The following LYRM7 variants were observed in gnomAD, a reference collection of about 807,000 sequenced individuals.
LYRM7 encodes the protein LYR motif containing 7, also known as complex III assembly factor LYRM7.
A neutral mutation model predicts 15.8 loss-of-function variants in LYRM7; 9 were observed. The ratio of observed to expected loss-of-function variants is 0.57; its 90% CI spans 0.34 to 0.99. The LOEUF (loss-of-function observed/expected upper bound fraction) is 0.99. Ranked by LOEUF, LYRM7 falls within the 50% of genes least tolerant of loss-of-function variation. LYRM7 has a pLI of 0.02. For synonymous variants in LYRM7, 39 were observed against 39.4 expected, an observed-to-expected ratio of 0.99 and a Z score of 0.04; for missense variants, 115 against 119.1, an observed-to-expected ratio of 0.97 and a Z score of 0.16.
chr5:131,171,305 C>T (rs537498664), intron 1 of LYRM7, among the ~76,000 whole-genome samples: 20 of 152,230 alleles, frequency 1.3e-4, no homozygotes, highest in Middle Eastern at 3.4e-3. Context: ...AAATCTGCGA[C>T]TTGAGTTCTG....
chr5:131,179,777 A>G lies in LYRM7; in HGVS notation c.19-318A>G, dbSNP rs557782681. ...ATGGTGAAACCTTGTCTCTACTAAA[A>G]ATACAAAAATTAGCCAGGCTTGGTG... On this transcript the variant is annotated intron_variant, in intron 1 of 4. Coordinates refer to ENST00000379380, the MANE Select transcript of LYRM7 (RefSeq NM_181705.4). Among the ~76,000 whole-genome samples the G allele has an allele frequency of 7.3e-4, 111 of 152,144 alleles. 1 individual carries two copies. In the South Asian group the frequency reaches 0.023, roughly 31 times the overall value.
intron 1 of LYRM7, among the ~76,000 whole-genome samples, chr5:131,172,823 G>A (rs544407150): frequency 1.1e-4 from 17 of 152,200 alleles, no homozygotes; most frequent in Middle Eastern, 3.2e-3. Flanking sequence ...GACAATCTCA[G>A]ATTCAAACTC....
chr5:131,179,888 A>T (rs966777003), intron 1 of LYRM7, among the ~76,000 whole-genome samples: 2 of 152,084 alleles, frequency 1.3e-5, no homozygotes, highest in East Asian at 1.9e-4. Context: ...GTGAGCCAAG[A>T]TCACACCACT....
At chr5:131,199,499 G>A in intron 4 of LYRM7, 32 bp from the exon 5 acceptor site, 2 of 1,448,174 alleles carry the variant, frequency 1.4e-6, no homozygotes, top group Admixed American at 2.1e-5. Flanking sequence ...TTTTAGTGAT[G>A]TTAATTATTC....
rs537387814 is a variant in LYRM7 at position 131,181,676 on chromosome 5, A to C, written c.92-553A>C. Among the ~76,000 whole-genome samples the C allele has an allele frequency of 3.3e-5, 5 of 151,836 alleles. No homozygotes were observed. The South Asian group carries it at 1.0e-3, about 31-fold the overall frequency. Reference sequence around the variant, plus strand: ...ACAGCAGCACAATAAGACCAGTGAGATTCTACCAAAGTATGCTGCTATAAT... The same window carrying C: ...ACAGCAGCACAATAAGACCAGTGAGCTTCTACCAAAGTATGCTGCTATAAT... On this transcript the variant is annotated intron_variant, in intron 2 of 4. Coordinates refer to ENST00000379380, the MANE Select transcript of LYRM7 (RefSeq NM_181705.4).
At chr5:131,180,298 A>G in intron 2 of LYRM7, 131 bp downstream of exon 2, 1 of 554,180 alleles carries the variant, frequency 1.8e-6, no homozygotes. Context: ...TATCTTTTAT[A>G]AAGATTAGCT....
rs1755667467 is a variant in LYRM7 at position 131,180,124 on chromosome 5, G to A, written c.48G>A (p.Arg16=). Residue 16 remains arginine, a synonymous_variant, in exon 2 of 5, where the codon AGG becomes AGA. Coordinates refer to ENST00000379380, the MANE Select transcript of LYRM7 (RefSeq NM_181705.4). ...TACAGCTCTTTAAAACACTGCACAG[G>A]ACCAGACAACAAGTTTTTAAAAATG... is the stretch of plus-strand genomic sequence containing the variant. The part of the protein sequence containing the change: ...KVLQLFKTLH[R]TRQQVFKNDA... 6.2e-7 allele frequency: 1 copy of A among 1,612,926 alleles called. No homozygotes were observed. The highest frequency in any genetic ancestry group is 1.1e-5 in the South Asian group (1 of 91,000).
chr5:131,178,736 C>T (rs1398219377), intron 1 of LYRM7, among the ~76,000 whole-genome samples: 1 of 152,004 alleles, frequency 6.6e-6, no homozygotes, highest in East Asian at 1.9e-4. Context: ...GCCAAGTCAG[C>T]GGACCACGAG....
chr5:131,173,520 C>T (rs1431140462), intron 1 of LYRM7, among the ~76,000 whole-genome samples: 3 of 152,148 alleles, frequency 2.0e-5, no homozygotes, highest in African/African-American at 4.8e-5. Flanking sequence ...CCCAGGTGGG[C>T]GGATCACAAG....
At chr5:131,193,449 G>A (rs1755915986) in intron 4 of LYRM7, among the ~76,000 whole-genome samples, 1 of 152,210 alleles carries the variant, frequency 6.6e-6, no homozygotes, top group African/African-American at 2.4e-5. Context: ...TTAGGGACAG[G>A]TTCTGGGAAG....
chr5:131,171,036 A>G lies in LYRM7; in HGVS notation c.16A>G (p.Lys6Glu). 2 of 1,532,524 alleles carry G rather than the reference A, an allele frequency of 1.3e-6. No individual in the cohort carries two copies. The highest frequency in any genetic ancestry group is 1.7e-6 in the Non-Finnish European group (2 of 1,149,638). The allele number at this position is 1,532,524 out of a possible 1,614,324, so 94.9% of individuals were successfully genotyped here. A position where few individuals can be genotyped will look rare whatever the true frequency, so the allele number is the denominator to read the frequency against. The change falls in exon 1 of 5, where the codon AAG (lysine) becomes GAG (glutamate). Residue 6 changes from lysine to glutamate, a missense_variant and splice_region_variant. Transcript: ENST00000379380. MGRAV[K>E]VLQLFKTLHR... ...GAGGAGAGCCATGGGACGGGCAGTC[A>G]AGGTGACAGGGCCCGGGAAGGGGTG... is the stretch of plus-strand genomic sequence containing the variant.
chr5:131,194,480 C>A (rs190382991), intron 4 of LYRM7, among the ~76,000 whole-genome samples: 1 of 152,286 alleles, frequency 6.6e-6, no homozygotes, highest in East Asian at 1.9e-4. Flanking sequence ...AAGACAGAAC[C>A]TAGAGAATTT....
At position 131,191,101 on chromosome 5, in the gene LYRM7, C is replaced by T. The variant is rs1390764508; in HGVS notation, c.244+3992C>T. Reference sequence around the variant, plus strand: ...TTTCCCACAGAATTAAATATTTTGACTCTTTTATGAGTATTAATACATATT... The same window carrying T: ...TTTCCCACAGAATTAAATATTTTGATTCTTTTATGAGTATTAATACATATT... On this transcript the variant is annotated intron_variant, in intron 4 of 4. Transcript: ENST00000379380. Among the ~76,000 whole-genome samples, 9 of 151,398 alleles carry T rather than the reference C, an allele frequency of 5.9e-5. No individual in the cohort carries two copies. The East Asian group carries it at 1.5e-3, about 26-fold the overall frequency.
At position 131,202,579 on chromosome 5, in the gene LYRM7, A is replaced by G. The variant is rs1032703615; in HGVS notation, c.*2978A>G. The G allele has an allele frequency of 1.3e-5, 2 of 153,056 alleles. No individual in the cohort carries two copies. Among genetic ancestry groups the G allele is most frequent in the East Asian group, 3.9e-4 (2 of 5,190 alleles). The allele number at this position is 153,056 out of a possible 1,614,324, so 9.5% of individuals were successfully genotyped here. A position where few individuals can be genotyped will look rare whatever the true frequency, so the allele number is the denominator to read the frequency against. ...GCAGTAGCTATTCATAGGCACAGTCATAGCACACTGCAGCCTAGAATTTCT... is the reference window on the plus strand; with the variant it reads ...GCAGTAGCTATTCATAGGCACAGTCGTAGCACACTGCAGCCTAGAATTTCT... On this transcript the variant is annotated 3_prime_UTR_variant, in exon 5 of 5. Coordinates refer to ENST00000379380, the MANE Select transcript of LYRM7 (RefSeq NM_181705.4).
At chr5:131,193,102 A>G (rs1478241956) in intron 4 of LYRM7, among the ~76,000 whole-genome samples, 9 of 152,228 alleles carry the variant, frequency 5.9e-5, no homozygotes, top group Admixed American at 1.3e-4. Context: ...TAAACGAACG[A>G]TACAGTTAAA....
intron 3 of LYRM7, 55 bp from the exon 4 acceptor site, chr5:131,186,973 A>G: frequency 2.1e-6 from 2 of 959,796 alleles, no homozygotes; most frequent in Non-Finnish European, 3.2e-6. Flanking sequence ...CAAAAACAGT[A>G]CATTCATATG....
chr5:131,193,062 T>C (rs1271382795), intron 4 of LYRM7, among the ~76,000 whole-genome samples: 1 of 152,172 alleles, frequency 6.6e-6, no homozygotes, highest in Non-Finnish European at 1.5e-5. Context: ...CTCTCTGGCA[T>C]ATATGTAAGA....
intron 1 of LYRM7, among the ~76,000 whole-genome samples, chr5:131,178,984 A>AG (rs1755642201): frequency 1.3e-5 from 2 of 149,932 alleles, no homozygotes; most frequent in Admixed American, 1.3e-4. Flanking sequence ...AAAAAAAAAA[A>AG]GGGAATAGCA....
intron 4 of LYRM7, among the ~76,000 whole-genome samples, chr5:131,195,096 G>A (rs1352303993): frequency 4.0e-5 from 6 of 151,888 alleles, no homozygotes; most frequent in Non-Finnish European, 7.4e-5. Flanking sequence ...GTGAAACCCC[G>A]TCTCTACTGA....
Sources: gnomAD v4.1 joint callset for allele counts (sites outside exome capture counted in the v4.1 genomes callset) on GRCh38, gnomAD v4.1.1 for gene constraint, MANE v1.5 for transcripts, NCBI Gene and HGNC (gene_info 2026-07-23, HGNC 2026-07-21) for gene names.